Variants in ZZEF1 observed in about 807,000 individuals in gnomAD.
The protein encoded by ZZEF1 is zinc finger ZZ-type and EF-hand domain containing 1.
ZZEF1 carries 157 observed loss-of-function variants against 342.8 expected under a neutral mutation model. The ratio of observed to expected loss-of-function variants is 0.46; its 90% CI spans 0.40 to 0.52. The LOEUF is 0.52. Among genes scored for constraint, ZZEF1 ranks in the 20% least tolerant of loss-of-function variants. The pLI is 0.00. For missense variants in ZZEF1, 3,480 were observed against 3,725.6 expected (o/e 0.93, Z 1.72); for synonymous variants, 1,505 against 1,429.1 (o/e 1.05, Z -1.20).
In ZZEF1 at chr17:4,006,885, A is replaced by T. The variant is rs762210621; in HGVS notation, c.*5T>A. ...GAACTAGTCCCATGCACGCCCCACC[A>T]AGGGCTAACACTCCACATTCCAGAG... On this transcript the variant is annotated 3_prime_UTR_variant, in exon 55 of 55. Coordinates refer to ENST00000381638, the MANE Select transcript of ZZEF1 (RefSeq NM_015113.4). 2 of 1,581,990 alleles carry T rather than the reference A, an allele frequency of 1.3e-6. No homozygotes were observed. Among genetic ancestry groups the T allele is most frequent in the Non-Finnish European group, 1.7e-6 (2 of 1,162,468 alleles).
rs752059358 is a variant in ZZEF1 at position 4,050,881 on chromosome 17, C to T, written c.5763G>A (p.Gly1921=). 3 of 1,614,200 alleles carry T rather than the reference C, an allele frequency of 1.9e-6. No individual in the cohort carries two copies. The highest frequency in any genetic ancestry group is 2.2e-5 in the South Asian group (2 of 91,084). Residue 1921 remains glycine (G), a synonymous_variant, in exon 36 of 55, where the codon GGG becomes GGA. Coordinates refer to ENST00000381638, the MANE Select transcript of ZZEF1 (RefSeq NM_015113.4). ...AHLASAEDVD[G]EKLDPQTRSS... ...TGCGCGTCTGGGGGTCCAGCTTCTC[C>T]CCATCCACATCCTCTGCACTGGCCA...
chr17:4,137,528 T>C (rs1019277883), intron 1 of ZZEF1, among the ~76,000 whole-genome samples: 4 of 152,046 alleles, frequency 2.6e-5, no homozygotes, highest in East Asian at 1.9e-4. Flanking sequence ...AGGAGAATGG[T>C]GTGAACCTGG....
At chr17:4,097,441 C>T (rs1166386793) in intron 9 of ZZEF1, among the ~76,000 whole-genome samples, 2 of 131,124 alleles carry the variant, frequency 1.5e-5, no homozygotes, top group Admixed American at 8.3e-5. Flanking sequence ...TTCTACAACA[C>T]TTTGTCAGGA....
At chr17:4,031,829 T>C (rs373661083) in intron 42 of ZZEF1, among the ~76,000 whole-genome samples, 2 of 152,094 alleles carry the variant, frequency 1.3e-5, no homozygotes. Flanking sequence ...AAATTACCCA[T>C]AGAAAGCAAA....
At chr17:4,121,290 A>G (rs1283603923) in intron 2 of ZZEF1, among the ~76,000 whole-genome samples, 3 of 152,196 alleles carry the variant, frequency 2.0e-5, no homozygotes, top group Non-Finnish European at 4.4e-5. Context: ...TGGTAATGCA[A>G]AAGTGGAGTA....
intron 2 of ZZEF1, among the ~76,000 whole-genome samples, chr17:4,122,208 G>A (rs1220368304): frequency 1.3e-5 from 2 of 152,104 alleles, no homozygotes; most frequent in African/African-American, 4.8e-5. Flanking sequence ...CAGGAAAAAC[G>A]CTGAGGTAAA....
intron 39 of ZZEF1, among the ~76,000 whole-genome samples, chr17:4,038,620 C>G (rs1597796586): frequency 6.6e-6 from 1 of 152,140 alleles, no homozygotes; most frequent in African/African-American, 2.4e-5. Context: ...GCCTGGCCAA[C>G]ATGGTGAAAC....
intron 1 of ZZEF1, among the ~76,000 whole-genome samples, chr17:4,128,386 G>C (rs1209016298): frequency 1.4e-5 from 2 of 141,150 alleles, no homozygotes; most frequent in African/African-American, 5.2e-5. Context: ...TAGGAGAAAA[G>C]ACAGACAATG....
rs546018054 is a variant in ZZEF1 at position 4,047,899 on chromosome 17, C to A, written c.6015+1809G>T. Among the ~76,000 whole-genome samples the A allele has an allele frequency of 2.4e-3, 370 of 151,692 alleles. 1 individual carries two copies. Among genetic ancestry groups the A allele is most frequent in the African/African-American group, 8.4e-3 (346 of 41,308 alleles). ...GAGGTTGCAGTGAGCCAAGATCATA[C>A]CACTGCACTCCAGCCTGGGCAACAG... is the stretch of plus-strand genomic sequence containing the variant. On this transcript the variant is annotated intron_variant, in intron 37 of 54. Coordinates refer to ENST00000381638, the MANE Select transcript of ZZEF1 (RefSeq NM_015113.4).
In ZZEF1 at chr17:4,114,458, T is replaced by A. The variant is rs201625093; in HGVS notation, c.707A>T (p.Asp236Val). Residue 236 changes from aspartate to valine, a missense_variant, in exon 4 of 55, where the codon GAT becomes GTT. By Grantham distance (152) the Asp-to-Val change is radical. Around this residue, in one of 5 missense-constraint regions of ZZEF1, gnomAD observed 416 missense variants for 374.2 expected, o/e 1.11. Transcript: ENST00000381638. ...ATCCATCTCTGGACTTCTAGTTAGA[T>A]CTCCAGGGCTTTCTGTAGGGGAAAC... Reference protein sequence around the residue: ...LVQKEKESPGDLTRSPEMDKL... With the variant: ...LVQKEKESPGVLTRSPEMDKL... The A allele has an allele frequency of 5.1e-4, 791 of 1,546,368 alleles. 1 individual carries two copies. The highest frequency in any genetic ancestry group is 6.4e-4 in the Non-Finnish European group (728 of 1,145,342).
intron 12 of ZZEF1, 87 bp downstream of exon 12, chr17:4,090,632 G>A (rs1300824119): frequency 4.7e-6 from 5 of 1,063,706 alleles, no homozygotes; most frequent in Admixed American, 1.8e-5. Flanking sequence ...TGGGGTTGTA[G>A]CATTGGCACA....
At chr17:4,079,889 A>G (rs2057690197) in intron 18 of ZZEF1, among the ~76,000 whole-genome samples, 1 of 152,236 alleles carries the variant, frequency 6.6e-6, no homozygotes, top group African/African-American at 2.4e-5. Context: ...AAGATACAAG[A>G]TAAGTTATCA....
At chr17:4,083,062 C>G (rs948911356) in intron 16 of ZZEF1, among the ~76,000 whole-genome samples, 1 of 152,206 alleles carries the variant, frequency 6.6e-6, no homozygotes, top group African/African-American at 2.4e-5. Context: ...AGGCGTGAGC[C>G]ACCGCACCCA....
At chr17:4,110,237 T>C (rs974156791) in intron 5 of ZZEF1, among the ~76,000 whole-genome samples, 3 of 152,218 alleles carry the variant, frequency 2.0e-5, no homozygotes, top group African/African-American at 7.2e-5. Context: ...GATTAAGTTA[T>C]AGAACAGTGG....
At chr17:4,010,209 A>C (rs574317730) in intron 52 of ZZEF1, among the ~76,000 whole-genome samples, 51 of 151,746 alleles carry the variant, frequency 3.4e-4, no homozygotes, top group South Asian at 4.2e-4. Context: ...AACAAACAAA[A>C]AAAAAACCTA....
chr17:4,068,087 A>T (rs972346017), intron 26 of ZZEF1, among the ~76,000 whole-genome samples: 2 of 152,192 alleles, frequency 1.3e-5, no homozygotes, highest in Admixed American at 6.5e-5. Context: ...CTAAAAACAA[A>T]CAAAAAAATA....
intron 30 of ZZEF1, 145 bp from the exon 31 acceptor site, chr17:4,059,435 C>A: frequency 2.0e-6 from 2 of 998,948 alleles, no homozygotes; most frequent in South Asian, 1.7e-5. Flanking sequence ...AAATATAATA[C>A]CTATAGAAGG....
chr17:4,013,414 C>CCTGG, intron 52 of ZZEF1, 35 bp downstream of exon 52: 1 of 1,542,192 alleles, frequency 6.5e-7, no homozygotes. Flanking sequence ...GATACATATG[C>CCTGG]CTGGCAAAGG....
chr17:4,097,153 C>A (rs1286325364), intron 9 of ZZEF1, among the ~76,000 whole-genome samples: 5 of 150,862 alleles, frequency 3.3e-5, no homozygotes, highest in African/African-American at 1.2e-4. Flanking sequence ...CCCACCTACT[C>A]GGGAGGCTGA....
Sources: gnomAD v4.1 joint callset for allele counts (sites outside exome capture counted in the v4.1 genomes callset) on GRCh38, gnomAD v4.1.1 for gene constraint, gnomAD v4.1.1 regional missense constraint, MANE v1.5 for transcripts, NCBI Gene and HGNC (gene_info 2026-07-23, HGNC 2026-07-21) for gene names.